The following NDUFS4 variants were observed in gnomAD, a reference collection of about 807,000 sequenced individuals.
The protein encoded by NDUFS4 is NADH dehydrogenase [ubiquinone] iron-sulfur protein 4, mitochondrial.
In NDUFS4, 28 loss-of-function variants were observed where a neutral mutation model predicts 24.3. The ratio of observed to expected loss-of-function variants is 1.15; its 90% CI spans 0.85 to 1.58. The LOEUF is 1.58. NDUFS4 is among the 40% of genes most tolerant of loss of function. The pLI is 0.00. For missense variants in NDUFS4, 223 were observed against 207.9 expected, an observed-to-expected ratio of 1.07 and a Z score of -0.45; for synonymous variants, 93 against 69.7, an observed-to-expected ratio of 1.34 and a Z score of -1.67.
chr5:53,573,386 A>G (rs1176520923), intron 1 of NDUFS4, among the ~76,000 whole-genome samples: 2 of 152,162 alleles, frequency 1.3e-5, no homozygotes, highest in South Asian at 2.1e-4. Context: ...CATTAAATCT[A>G]TAGATTAATT....
intron 1 of NDUFS4, among the ~76,000 whole-genome samples, chr5:53,570,684 C>CTTTTTTT (rs70983360): frequency 8.3e-6 from 1 of 119,864 alleles, no homozygotes; most frequent in Non-Finnish European, 1.7e-5. Context: ...ATTTTTTTTT[C>CTTTTTTT]TTTTTTTTTT....
intron 2 of NDUFS4, among the ~76,000 whole-genome samples, chr5:53,644,501 AC>A (rs1159071584): frequency 6.6e-6 from 1 of 152,170 alleles, no homozygotes; most frequent in Non-Finnish European, 1.5e-5. Context: ...GAGGAATTAA[AC>A]ATTGAGGACT....
chr5:53,640,812 T>C (rs979550435), intron 2 of NDUFS4, among the ~76,000 whole-genome samples: 1 of 152,072 alleles, frequency 6.6e-6, no homozygotes, highest in Non-Finnish European at 1.5e-5. Flanking sequence ...GAAAAGACTT[T>C]GTTGCTATAG....
chr5:53,566,841 C>T (rs949488250), intron 1 of NDUFS4, among the ~76,000 whole-genome samples: 26 of 148,448 alleles, frequency 1.8e-4, no homozygotes, highest in African/African-American at 1.3e-4. Context: ...CCTCCCCCAC[C>T]GCCAAGTATT....
At chr5:53,645,364 T>A (rs1420786061) in intron 2 of NDUFS4, among the ~76,000 whole-genome samples, 2 of 152,166 alleles carry the variant, frequency 1.3e-5, no homozygotes, top group African/African-American at 4.8e-5. Context: ...TATAAATAAC[T>A]CCCACATGCT....
chr5:53,647,033 CTTTAACT>C (rs1751887753), intron 3 of NDUFS4, among the ~76,000 whole-genome samples: 1 of 151,438 alleles, frequency 6.6e-6, no homozygotes, highest in South Asian at 2.1e-4. Context: ...TATAGTGACA[CTTTAACT>C]TGTTTTAAAA....
At chr5:53,647,779 T>C (rs990606841) in intron 3 of NDUFS4, among the ~76,000 whole-genome samples, 2 of 152,224 alleles carry the variant, frequency 1.3e-5, no homozygotes, top group Admixed American at 1.3e-4. Flanking sequence ...ACTGTCTTGT[T>C]CTAGAAAAGT....
At chr5:53,574,044 A>G (rs773364157) in intron 1 of NDUFS4, among the ~76,000 whole-genome samples, 13 of 152,232 alleles carry the variant, frequency 8.5e-5, no homozygotes, top group Non-Finnish European at 1.8e-4. Flanking sequence ...GAAAATAATC[A>G]TGCAGTCCGT....
chr5:53,657,089 C>T (rs1318100702), intron 3 of NDUFS4, among the ~76,000 whole-genome samples: 1 of 152,064 alleles, frequency 6.6e-6, no homozygotes, highest in Non-Finnish European at 1.5e-5. Flanking sequence ...ACCATCTTTG[C>T]AGGAAACAGA....
intron 1 of NDUFS4, among the ~76,000 whole-genome samples, chr5:53,586,634 T>G (rs940873914): frequency 2.6e-5 from 4 of 152,178 alleles, no homozygotes; most frequent in African/African-American, 9.6e-5. Context: ...GCCATTCTCC[T>G]GTCTCAGCCT....
chr5:53,589,553 A>G (rs949041101), intron 1 of NDUFS4, among the ~76,000 whole-genome samples: 3 of 152,246 alleles, frequency 2.0e-5, no homozygotes, highest in African/African-American at 7.2e-5. Context: ...ACACCTAACC[A>G]AGAAGTGGCA....
chr5:53,612,449 G>A (rs892496168), intron 2 of NDUFS4, among the ~76,000 whole-genome samples: 4 of 152,046 alleles, frequency 2.6e-5, no homozygotes, highest in Admixed American at 1.3e-4. Flanking sequence ...GAGTGAGGAA[G>A]GACATCTATT....
chr5:53,612,947 T>C (rs1264563951), intron 2 of NDUFS4, among the ~76,000 whole-genome samples: 1 of 152,130 alleles, frequency 6.6e-6, no homozygotes, highest in African/African-American at 2.4e-5. Flanking sequence ...TGGTTTTATG[T>C]TGTTTTTTCT....
rs189317643 is a variant in NDUFS4 at position 53,608,765 on chromosome 5, T to C, written c.177+5235T>C. On this transcript the variant is annotated intron_variant, in intron 2 of 4. Coordinates refer to ENST00000296684, the MANE Select transcript of NDUFS4 (RefSeq NM_002495.4). ...ATTCATGAGGGTTGGATTCAACTTC[T>C]TTCTTTTTTGTTTTTGTTTTCCCAT... is the stretch of plus-strand genomic sequence containing the variant. Among the ~76,000 whole-genome samples, 84 of 152,374 alleles carry C rather than the reference T, an allele frequency of 5.5e-4. 2 individuals carry two copies. The East Asian group carries it at 0.012, about 22-fold the overall frequency.
At chr5:53,609,897 G>A (rs1433098885) in intron 2 of NDUFS4, among the ~76,000 whole-genome samples, 1 of 152,142 alleles carries the variant, frequency 6.6e-6, no homozygotes, top group Non-Finnish European at 1.5e-5. Context: ...CCTGGCTCTA[G>A]ATTAGACTTT....
chr5:53,666,197 A>G (rs1040810916), intron 4 of NDUFS4, among the ~76,000 whole-genome samples: 1 of 152,186 alleles, frequency 6.6e-6, no homozygotes, highest in African/African-American at 2.4e-5. Context: ...AGCCTATTAT[A>G]TTTCATGTCT....
intron 1 of NDUFS4, among the ~76,000 whole-genome samples, chr5:53,588,458 TGAA>T (rs764092655): frequency 3.7e-4 from 57 of 152,184 alleles, no homozygotes; most frequent in Non-Finnish European, 7.6e-4. Flanking sequence ...ATGAGGAAAT[TGAA>T]GTGCAGAGTT....
intron 1 of NDUFS4, among the ~76,000 whole-genome samples, chr5:53,575,847 G>T (rs1167939612): frequency 6.6e-6 from 1 of 152,058 alleles, no homozygotes; most frequent in Admixed American, 6.5e-5. Flanking sequence ...TGGCCTAAAT[G>T]ATCAGATTCT....
intron 2 of NDUFS4, among the ~76,000 whole-genome samples, chr5:53,641,583 CAA>C (rs1751706293): frequency 6.6e-6 from 1 of 152,078 alleles, no homozygotes; most frequent in Non-Finnish European, 1.5e-5. Context: ...TGGCACAACT[CAA>C]ATTTATTTTT....
Sources: gnomAD v4.1 joint callset for allele counts (sites outside exome capture counted in the v4.1 genomes callset) on GRCh38, gnomAD v4.1.1 for gene constraint, MANE v1.5 for transcripts, NCBI Gene and HGNC (gene_info 2026-07-23, HGNC 2026-07-21) for gene names.